Variants in INVS observed in about 807,000 individuals in gnomAD.
The protein encoded by INVS is inversion of embryo turning homolog.
Under a neutral mutation model 108.8 loss-of-function variants are expected in INVS, and 86 were observed. The observed-to-expected ratio is 0.79, with a 90% CI of 0.66 to 0.95. The LOEUF is 0.95. Among genes scored for constraint, INVS ranks in the 40% least tolerant of loss-of-function variants. The pLI, the probability that INVS is intolerant of heterozygous loss-of-function variation, is 0.00. For synonymous variants in INVS, 455 were observed against 473.5 expected (o/e 0.96, Z 0.51); for missense variants, 1,169 against 1,297.4 (o/e 0.90, Z 1.52).
chr9:100,139,827 A>G (rs1484430900), intron 3 of INVS, among the ~76,000 whole-genome samples: 1 of 152,126 alleles, frequency 6.6e-6, no homozygotes, highest in Admixed American at 6.6e-5. Context: ...TTTTTTATAG[A>G]GACAGGGGTT....
At chr9:100,129,332 A>G (rs868548432) in intron 3 of INVS, among the ~76,000 whole-genome samples, 6 of 151,814 alleles carry the variant, frequency 4.0e-5, no homozygotes, top group Non-Finnish European at 8.8e-5. Flanking sequence ...AAACACACAC[A>G]CATACACACA....
chr9:100,169,557 A>C (rs1401848413), intron 3 of INVS, among the ~76,000 whole-genome samples: 1 of 152,152 alleles, frequency 6.6e-6, no homozygotes, highest in Non-Finnish European at 1.5e-5. Flanking sequence ...AAAAGTATAA[A>C]CTTCTTTATG....
At chr9:100,123,144 T>C (rs371448690) in intron 2 of INVS, among the ~76,000 whole-genome samples, 1 of 152,178 alleles carries the variant, frequency 6.6e-6, no homozygotes, top group Non-Finnish European at 1.5e-5. Context: ...ATTTAAAGTA[T>C]ACAATTGAGT....
At chr9:100,227,908 A>G (rs1831381782) in intron 4 of INVS, among the ~76,000 whole-genome samples, 1 of 152,018 alleles carries the variant, frequency 6.6e-6, no homozygotes, top group African/African-American at 2.4e-5. Context: ...TCTTTTAAAA[A>G]CTTTTGTCTT....
intron 3 of INVS, among the ~76,000 whole-genome samples, chr9:100,169,119 T>A (rs1334004961): frequency 6.6e-5 from 10 of 152,334 alleles, no homozygotes. Context: ...TTTTCTCCCC[T>A]GGTCATTTAG....
At chr9:100,213,940 G>A (rs568742215) in intron 3 of INVS, among the ~76,000 whole-genome samples, 1 of 152,178 alleles carries the variant, frequency 6.6e-6, no homozygotes, top group Non-Finnish European at 1.5e-5. Context: ...AGAACGTTTA[G>A]GAATGCTTCA....
chr9:100,171,244 T>C (rs7028699), intron 3 of INVS, among the ~76,000 whole-genome samples: 32,025 of 152,084 alleles, frequency 0.21, 5,742 homozygotes, highest in African/African-American at 0.49. Context: ...TTTTACTGTA[T>C]TTTTTCTATG....
intron 3 of INVS, among the ~76,000 whole-genome samples, chr9:100,142,560 T>A (rs1176338834): frequency 6.6e-6 from 1 of 152,044 alleles, no homozygotes; most frequent in African/African-American, 2.4e-5. Flanking sequence ...TCCAGAATAA[T>A]GTGGGAGGCC....
At position 100,264,899 on chromosome 9, in the gene INVS, C is replaced by A; in HGVS notation, c.1542C>A (p.Phe514Leu). 1 of 1,612,700 alleles carries A rather than the reference C, an allele frequency of 6.2e-7. No homozygotes were observed. Among genetic ancestry groups the A allele is most frequent in the Non-Finnish European group, 8.5e-7 (1 of 1,179,174 alleles). Residue 514 changes from phenylalanine to leucine, a missense_variant, in exon 11 of 17, where the codon TTC becomes TTA. Physicochemically the swap from Phe to Leu is conservative, Grantham distance 22. This residue lies in a region of INVS where 271 missense variants were observed against 363.8 expected (regional missense o/e 0.74). Transcript: ENST00000262457. ...AIKLLLDFAAFPNQMENNEER... is the reference protein window; with the variant it reads ...AIKLLLDFAALPNQMENNEER... ...AATTACTGCTAGACTTTGCTGCTTTCCCTAATCAGATGGAAAACAATGAAG... is the reference window on the plus strand; with the variant it reads ...AATTACTGCTAGACTTTGCTGCTTTACCTAATCAGATGGAAAACAATGAAG...
intron 10 of INVS, among the ~76,000 whole-genome samples, chr9:100,262,233 C>T: frequency 1.9e-5 from 2 of 107,498 alleles, no homozygotes; most frequent in Non-Finnish European, 4.3e-5. Context: ...TAAGGCTAAC[C>T]TTGTCAAAAA....
In INVS at chr9:100,297,495, G is replaced by A. The variant is rs549556618; in HGVS notation, c.3016+349G>A. On this transcript the variant is annotated intron_variant, in intron 15 of 16. Transcript: ENST00000262457. ...TGCATTACCCATTTGGAGCATTCAC[G>A]ACTTAGCTAGACTCTGCCTGTATCA... Among the ~76,000 whole-genome samples the A allele has an allele frequency of 1.4e-4, 21 of 152,192 alleles. 1 individual carries two copies. In the South Asian group the frequency reaches 2.7e-3, roughly 20 times the overall value.
intron 3 of INVS, among the ~76,000 whole-genome samples, chr9:100,209,699 G>A (rs2118289585): frequency 6.8e-6 from 1 of 146,588 alleles, no homozygotes; most frequent in South Asian, 2.2e-4. Flanking sequence ...GAACCTGGAA[G>A]GCAGAGCTTG....
chr9:100,255,324 T>C (rs868369828), intron 10 of INVS, among the ~76,000 whole-genome samples: 3 of 152,206 alleles, frequency 2.0e-5, no homozygotes, highest in Non-Finnish European at 4.4e-5. Flanking sequence ...GCTGAGACAA[T>C]GGGGTTTTCT....
In INVS at chr9:100,300,719, G is replaced by C. The variant is rs1481874573; in HGVS notation, c.*45G>C. The C allele has an allele frequency of 1.5e-6, 2 of 1,333,330 alleles. No individual in the cohort carries two copies. The highest frequency in any genetic ancestry group is 1.2e-5 in the South Asian group (1 of 84,870). The allele number at this position is 1,333,330 out of a possible 1,614,324, so 82.6% of individuals were successfully genotyped here. A position where few individuals can be genotyped will look rare whatever the true frequency, so the allele number is the denominator to read the frequency against. On this transcript the variant is annotated 3_prime_UTR_variant, in exon 17 of 17. Coordinates refer to ENST00000262457, the MANE Select transcript of INVS (RefSeq NM_014425.5). ...GTGTTCGGGGGAGCTGGCATAGCTA[G>C]TGCAGAGTTCAGATTTTCTGCTGAT... is the stretch of plus-strand genomic sequence containing the variant.
intron 2 of INVS, among the ~76,000 whole-genome samples, chr9:100,124,616 C>T (rs1827828869): frequency 6.7e-6 from 1 of 149,162 alleles, no homozygotes; most frequent in African/African-American, 2.5e-5. Flanking sequence ...CATTCTGCTT[C>T]TCTTTTTTCA....
At chr9:100,188,635 CTTTT>C (rs11309021) in intron 3 of INVS, among the ~76,000 whole-genome samples, 2 of 128,260 alleles carry the variant, frequency 1.6e-5, no homozygotes, top group Non-Finnish European at 1.7e-5. Flanking sequence ...TAGTTTCTTT[CTTTT>C]TTTTTTTTTT....
At chr9:100,114,974 AAATTATTAGGCCAT>A (rs1827463801) in intron 2 of INVS, among the ~76,000 whole-genome samples, 3 of 152,360 alleles carry the variant, frequency 2.0e-5, no homozygotes, top group Non-Finnish European at 4.4e-5. Context: ...CTTAAGTGAA[AAATTATTAGGCCAT>A]AATTATTAGG....
intron 10 of INVS, among the ~76,000 whole-genome samples, chr9:100,256,682 T>C (rs921316783): frequency 1.3e-4 from 20 of 152,216 alleles, no homozygotes; most frequent in Non-Finnish European, 2.4e-4. Context: ...TACCCAGTAG[T>C]CATTCAGGAG....
chr9:100,236,573 A>T (rs1359180708), intron 5 of INVS, among the ~76,000 whole-genome samples: 3 of 152,036 alleles, frequency 2.0e-5, no homozygotes, highest in African/African-American at 7.2e-5. Flanking sequence ...TGTTGATATT[A>T]TTGCTTTCTG....
Sources: allele counts gnomAD v4.1 joint callset (sites outside exome capture counted in the v4.1 genomes callset), GRCh38; gene constraint gnomAD v4.1.1; regional missense constraint gnomAD v4.1.1; transcripts MANE v1.5; gene names NCBI Gene and HGNC (gene_info 2026-07-23, HGNC 2026-07-21).